Variants in PHACTR3 observed in about 807,000 individuals in gnomAD.
PHACTR3 encodes the protein protein phosphatase 1, regulatory subunit 123.
In PHACTR3, 16 loss-of-function variants were observed where a neutral mutation model predicts 66.8. That is an observed-to-expected ratio of 0.24 (90% confidence interval 0.16 to 0.36). The LOEUF is 0.36. Among genes scored for constraint, PHACTR3 ranks in the 10% least tolerant of loss-of-function variants. The pLI is 1.00. For missense variants in PHACTR3, 647 were observed against 719.9 expected (o/e 0.90, Z 1.16); for synonymous variants, 323 against 292.1 (o/e 1.11, Z -1.08).
intron 1 of PHACTR3, among the ~76,000 whole-genome samples, chr20:59,627,799 A>G (rs6070874): frequency 0.64 from 97,565 of 152,078 alleles, 31,406 homozygotes; most frequent in East Asian, 0.71. Flanking sequence ...CAATATATCT[A>G]TCATCTATAA....
intron 7 of PHACTR3, among the ~76,000 whole-genome samples, chr20:59,775,992 C>G (rs941473232): frequency 2.0e-5 from 3 of 152,216 alleles, no homozygotes; most frequent in African/African-American, 7.2e-5. Context: ...TGTCTCCAGA[C>G]TTGGCCAGAT....
At chr20:59,799,300 G>A (rs991435767) in intron 7 of PHACTR3, among the ~76,000 whole-genome samples, 12 of 152,086 alleles carry the variant, frequency 7.9e-5, no homozygotes, top group East Asian at 1.9e-4. Flanking sequence ...CAAATTGGTC[G>A]ATAATGTCAT....
intron 1 of PHACTR3, among the ~76,000 whole-genome samples, chr20:59,579,072 T>A (rs1033852374): frequency 5.9e-5 from 9 of 152,186 alleles, no homozygotes. Flanking sequence ...AAAGCACCCC[T>A]GTTTTTGGCA....
At chr20:59,680,327 T>A (rs889237437) in intron 1 of PHACTR3, among the ~76,000 whole-genome samples, 3 of 151,830 alleles carry the variant, frequency 2.0e-5, no homozygotes, top group Non-Finnish European at 4.4e-5. Context: ...GAGAACTGTC[T>A]TAACATACAG....
At chr20:59,812,677 G>T (rs926719779) in intron 8 of PHACTR3, among the ~76,000 whole-genome samples, 2 of 152,204 alleles carry the variant, frequency 1.3e-5, no homozygotes, top group African/African-American at 4.8e-5. Flanking sequence ...ACCTGAAACT[G>T]CATGGACGGA....
At chr20:59,785,613 T>A (rs1024238440) in intron 7 of PHACTR3, among the ~76,000 whole-genome samples, 1 of 152,088 alleles carries the variant, frequency 6.6e-6, no homozygotes, top group Non-Finnish European at 1.5e-5. Flanking sequence ...GCGACCTGAG[T>A]TGACTAGAGA....
At chr20:59,607,512 C>T (rs752815603) in intron 1 of PHACTR3, among the ~76,000 whole-genome samples, 2 of 152,196 alleles carry the variant, frequency 1.3e-5, no homozygotes, top group African/African-American at 4.8e-5. Context: ...TCCAAGGTTG[C>T]GTTCACCCTT....
In PHACTR3 at chr20:59,820,604, C is replaced by T. The variant is rs559150542; in HGVS notation, c.1328+14410C>T. ...CATGCAGGGTACAGGGAGTGGGTCC[C>T]GAGTCCCATCCTGTGCAGGGGAGAG... On this transcript the variant is annotated intron_variant, in intron 8 of 12. Transcript: ENST00000371015. The surrounding 1 kb of genome is among the most constrained non-coding windows in gnomAD (Gnocchi z 4.6). Among the ~76,000 whole-genome samples the T allele has an allele frequency of 4.6e-5, 7 of 152,212 alleles. No individual in the cohort carries two copies. Among genetic ancestry groups the T allele is most frequent in the African/African-American group, 1.2e-4 (5 of 41,522 alleles).
intron 1 of PHACTR3, among the ~76,000 whole-genome samples, chr20:59,674,475 TC>T (rs1435469889): frequency 8.2e-6 from 1 of 121,756 alleles, no homozygotes; most frequent in African/African-American, 3.8e-5. Flanking sequence ...CTTCTCCTGT[TC>T]CCCCTTGTTC....
intron 9 of PHACTR3, among the ~76,000 whole-genome samples, chr20:59,838,826 T>G (rs1022080443): frequency 2.6e-5 from 4 of 152,104 alleles, no homozygotes; most frequent in Admixed American, 2.0e-4. Flanking sequence ...CAGAGGGTGT[T>G]CTGGGTCTGG....
chr20:59,669,617 G>A (rs1219109933), intron 1 of PHACTR3, among the ~76,000 whole-genome samples: 1 of 152,206 alleles, frequency 6.6e-6, no homozygotes, highest in Non-Finnish European at 1.5e-5. Flanking sequence ...GTGTCCATTA[G>A]GAATCACTTC....
intron 5 of PHACTR3, among the ~76,000 whole-genome samples, chr20:59,768,294 G>A (rs2040249983): frequency 6.6e-6 from 1 of 152,258 alleles, no homozygotes; most frequent in African/African-American, 2.4e-5. Context: ...CTTGCGTGCT[G>A]TCTTTGAAGG....
rs2042336865 is a variant in PHACTR3 at position 59,830,574 on chromosome 20, A to G, written c.1329-5931A>G. 6.6e-6 allele frequency among the ~76,000 whole-genome samples: 1 copy of G among 152,186 alleles called. No individual in the cohort carries two copies. The highest frequency in any genetic ancestry group is 2.4e-5 in the African/African-American group (1 of 41,442). Reference sequence around the variant, plus strand: ...TGATTCTTGGGGATCCAGGCCTGCAAGGAGGCGCTGGGCAGGATGGAGCCT... The same window carrying G: ...TGATTCTTGGGGATCCAGGCCTGCAGGGAGGCGCTGGGCAGGATGGAGCCT... On this transcript the variant is annotated intron_variant, in intron 8 of 12. Transcript: ENST00000371015. This position sits in a 1 kb window ranked among gnomAD's most constrained non-coding sequence, Gnocchi z 5.8.
intron 5 of PHACTR3, among the ~76,000 whole-genome samples, chr20:59,769,007 A>C (rs1169045935): frequency 6.6e-6 from 1 of 152,154 alleles, no homozygotes; most frequent in Non-Finnish European, 1.5e-5. Flanking sequence ...TGGAGGGATG[A>C]GTGAGGGGGC....
intron 8 of PHACTR3, among the ~76,000 whole-genome samples, chr20:59,806,844 C>A (rs1017032941): frequency 4.6e-5 from 7 of 152,240 alleles, no homozygotes; most frequent in Non-Finnish European, 1.0e-4. Context: ...GGCTACAAAC[C>A]CGTACAGCAC....
intron 8 of PHACTR3, among the ~76,000 whole-genome samples, chr20:59,811,543 A>C (rs1352182200): frequency 6.6e-6 from 1 of 152,092 alleles, no homozygotes; most frequent in Non-Finnish European, 1.5e-5. Flanking sequence ...CCTGTAGTCC[A>C]AGCTACTCAG....
intron 1 of PHACTR3, among the ~76,000 whole-genome samples, chr20:59,583,704 A>G (rs1055497213): frequency 6.6e-6 from 1 of 152,172 alleles, no homozygotes; most frequent in Non-Finnish European, 1.5e-5. Flanking sequence ...CTTCCCTTGC[A>G]TAGGACTCCT....
At chr20:59,652,507 C>T (rs1001789707) in intron 1 of PHACTR3, among the ~76,000 whole-genome samples, 8 of 152,160 alleles carry the variant, frequency 5.3e-5, no homozygotes, top group African/African-American at 1.9e-4. Context: ...GGTATGATTG[C>T]ACTTTGTGCC....
chr20:59,579,786 AG>A (rs750789893), intron 1 of PHACTR3, among the ~76,000 whole-genome samples: 6 of 152,230 alleles, frequency 3.9e-5, no homozygotes, highest in Non-Finnish European at 8.8e-5. Context: ...GGGGGCTGAT[AG>A]GACCTGCTCA....
Sources: gnomAD v4.1 joint callset for allele counts (sites outside exome capture counted in the v4.1 genomes callset) on GRCh38, gnomAD v4.1.1 for gene constraint, Gnocchi (gnomAD v3.1) non-coding constraint, MANE v1.5 for transcripts, NCBI Gene and HGNC (gene_info 2026-07-23, HGNC 2026-07-21) for gene names.